The following AGTPBP1 variants were observed in gnomAD, a reference collection of about 807,000 sequenced individuals.
The protein encoded by AGTPBP1 is ATP/GTP binding carboxypeptidase 1, also known as cytosolic carboxypeptidase 1.
In AGTPBP1, 70 loss-of-function variants were observed where a neutral mutation model predicts 143.9. That is an observed-to-expected ratio of 0.49 (90% CI 0.40 to 0.59). The LOEUF (loss-of-function observed/expected upper bound fraction) is 0.59. Ranked by LOEUF, AGTPBP1 falls within the 20% of genes least tolerant of loss-of-function variation. AGTPBP1 has a pLI of 0.00. For missense variants in AGTPBP1, 1,229 were observed against 1,464.5 expected, an observed-to-expected ratio of 0.84 and a Z score of 2.62; for synonymous variants, 463 against 500.2, an observed-to-expected ratio of 0.93 and a Z score of 0.99.
At chr9:85,549,862 A>C (rs1383940518) in intron 25 of AGTPBP1, among the ~76,000 whole-genome samples, 1 of 152,222 alleles carries the variant, frequency 6.6e-6, no homozygotes, top group East Asian at 1.9e-4. Context: ...TATCATGTTG[A>C]CTATGAGAAG....
chr9:85,781,064 C>G, the AGTPBP1 span: 1 of 1,148,032 alleles, frequency 8.7e-7, no homozygotes, highest in Middle Eastern at 3.2e-4. Flanking sequence ...TTACAGTGAG[C>G]CGAGCATATC....
chr9:85,751,690 C>T, the AGTPBP1 span, among the ~76,000 whole-genome samples: 2 of 152,100 alleles, frequency 1.3e-5, no homozygotes, highest in Non-Finnish European at 2.9e-5. Context: ...TCTCAGCTCA[C>T]GGTAATCTCT....
At chr9:85,767,267 C>T in the AGTPBP1 span, among the ~76,000 whole-genome samples, 16 of 148,570 alleles carry the variant, frequency 1.1e-4, no homozygotes, top group East Asian at 2.0e-3. Flanking sequence ...TCACTGCCTC[C>T]GTCTCCTGGG....
intron 25 of AGTPBP1, among the ~76,000 whole-genome samples, chr9:85,560,724 C>G (rs1826656175): frequency 6.6e-6 from 1 of 151,644 alleles, no homozygotes; most frequent in Non-Finnish European, 1.5e-5. Flanking sequence ...CAGATAACAC[C>G]CAGTGAAAGA....
At chr9:85,669,612 T>A in intron 7 of AGTPBP1, 34 bp from the exon 8 acceptor site, 1 of 1,516,284 alleles carries the variant, frequency 6.6e-7, no homozygotes, top group Non-Finnish European at 9.1e-7. Context: ...AAAATTATTT[T>A]AAGGTTTGAC....
At chr9:85,578,651 A>T (rs1828045616) in intron 24 of AGTPBP1, among the ~76,000 whole-genome samples, 1 of 152,214 alleles carries the variant, frequency 6.6e-6, no homozygotes, top group Non-Finnish European at 1.5e-5. Context: ...GTGTACTCTA[A>T]TGTGCTTTCC....
At chr9:85,731,396 T>C (rs1838868445) in intron 1 of AGTPBP1, among the ~76,000 whole-genome samples, 1 of 152,118 alleles carries the variant, frequency 6.6e-6, no homozygotes, top group Non-Finnish European at 1.5e-5. Flanking sequence ...GTGCAATTAC[T>C]TTGGAAGTAG....
At chr9:85,562,524 T>C (rs923137789) in intron 25 of AGTPBP1, among the ~76,000 whole-genome samples, 2 of 152,222 alleles carry the variant, frequency 1.3e-5, no homozygotes, top group African/African-American at 4.8e-5. Flanking sequence ...CTTTTCCAAT[T>C]AAAATAATTT....
intron 2 of AGTPBP1, among the ~76,000 whole-genome samples, chr9:85,704,702 A>C (rs1474941649): frequency 2.0e-5 from 3 of 152,246 alleles, no homozygotes; most frequent in Non-Finnish European, 4.4e-5. Context: ...GGTAAAAATC[A>C]CCTATCAAAA....
chr9:85,661,307 A>C (rs1381239579), intron 8 of AGTPBP1, among the ~76,000 whole-genome samples: 1 of 152,154 alleles, frequency 6.6e-6, no homozygotes, highest in African/African-American at 2.4e-5. Flanking sequence ...GAGTTAACAA[A>C]GGAACCACAC....
chr9:85,580,098 C>T (rs1440098437), intron 23 of AGTPBP1, among the ~76,000 whole-genome samples: 1 of 151,704 alleles, frequency 6.6e-6, no homozygotes, highest in East Asian at 1.9e-4. Flanking sequence ...ATTAGCCAGG[C>T]TTGGTGGCAG....
Position 85,575,457 on chromosome 9 carries a change from G to T in AGTPBP1, c.3361C>A (p.Arg1121=). ...GKYKGLQIGT[R]ELEEMGAKFC... is the part of the protein sequence containing the mutation. ...TTTGCTCCCATCTCTTCCAGTTCTC[G>T]GGTACCAATCTGTAAACCCTTGAAA... Residue 1121 remains arginine, a synonymous_variant, in exon 25 of 26, where the codon CGA becomes AGA. Transcript: ENST00000357081. The T allele has an allele frequency of 6.2e-7, 1 of 1,605,884 alleles. No homozygotes were observed. Among genetic ancestry groups the T allele is most frequent in the East Asian group, 2.3e-5 (1 of 44,292 alleles).
intron 6 of AGTPBP1, among the ~76,000 whole-genome samples, chr9:85,676,890 T>C (rs1313376611): frequency 2.6e-5 from 4 of 152,154 alleles, no homozygotes; most frequent in Non-Finnish European, 4.4e-5. Flanking sequence ...TGCAGCAACA[T>C]GGATGGAACT....
intron 11 of AGTPBP1, among the ~76,000 whole-genome samples, chr9:85,648,579 G>A (rs1186153618): frequency 1.3e-5 from 2 of 152,172 alleles, no homozygotes; most frequent in Admixed American, 6.5e-5. Flanking sequence ...CTGGGAGGCC[G>A]AGACGGGCGG....
intron 17 of AGTPBP1, among the ~76,000 whole-genome samples, chr9:85,599,152 C>T (rs993159466): frequency 2.7e-5 from 4 of 149,002 alleles, no homozygotes; most frequent in Non-Finnish European, 1.5e-5. Flanking sequence ...CACACACACA[C>T]ACAGTAGGGA....
the AGTPBP1 span, among the ~76,000 whole-genome samples, chr9:85,805,141 C>T: frequency 2.0e-5 from 3 of 152,208 alleles, no homozygotes; most frequent in African/African-American, 7.2e-5. Flanking sequence ...TCCCTTTCTC[C>T]AGCAGGTGGT....
At position 85,661,289 on chromosome 9, in the gene AGTPBP1, T is replaced by C. The variant is rs185423742; in HGVS notation, c.663-316A>G. On this transcript the variant is annotated intron_variant, in intron 8 of 25. Coordinates refer to ENST00000357081, the MANE Select transcript of AGTPBP1 (RefSeq NM_001330701.2). ...GGAATCATTCATCAGCCTCTGTATC[T>C]GACCTGAGAGTTAACAAAGGAACCA... Among the ~76,000 whole-genome samples the C allele has an allele frequency of 3.3e-5, 5 of 152,228 alleles. No individual in the cohort carries two copies. In the East Asian group the frequency reaches 5.8e-4, roughly 18 times the overall value.
intron 1 of AGTPBP1, chr9:85,741,429 G>A (rs909554087): frequency 1.0e-6 from 1 of 985,140 alleles, no homozygotes. Flanking sequence ...CCGCGAGCTC[G>A]GGCCCGAGAG....
chr9:85,553,416 T>C (rs970155117), intron 25 of AGTPBP1, among the ~76,000 whole-genome samples: 1 of 152,244 alleles, frequency 6.6e-6, no homozygotes, highest in Non-Finnish European at 1.5e-5. Flanking sequence ...GGCTTTGCCT[T>C]AGATGATTTT....
Sources: allele counts gnomAD v4.1 joint callset (sites outside exome capture counted in the v4.1 genomes callset), GRCh38; gene constraint gnomAD v4.1.1; transcripts MANE v1.5; gene names NCBI Gene and HGNC (gene_info 2026-07-23, HGNC 2026-07-21).